Variants in ADGRV1 observed in about 807,000 individuals in gnomAD.
ADGRV1 encodes G-protein coupled receptor 98.
ADGRV1 carries 359 observed loss-of-function variants against 596.2 expected under a neutral mutation model. The ratio of observed to expected loss-of-function variants is 0.60; its 90% confidence interval spans 0.55 to 0.66. The LOEUF is 0.66. Among genes scored for constraint, ADGRV1 ranks in the 30% least tolerant of loss-of-function variants. ADGRV1 has a pLI of 0.00. For synonymous variants in ADGRV1, 2,681 were observed against 2,679.2 expected, an observed-to-expected ratio of 1.00 and a Z score of -0.02; for missense variants, 7,274 against 7,575.6, an observed-to-expected ratio of 0.96 and a Z score of 1.48.
intron 70 of ADGRV1, among the ~76,000 whole-genome samples, chr5:90,796,550 C>T (rs532928318): frequency 5.8e-4 from 88 of 152,308 alleles, no homozygotes; most frequent in African/African-American, 2.1e-3. Context: ...AAACATTCTT[C>T]AGGATATTAT....
At chr5:90,691,173 C>CA in intron 31 of ADGRV1, 132 bp downstream of exon 31, 3 of 1,173,296 alleles carry the variant, frequency 2.6e-6, no homozygotes, top group Non-Finnish European at 2.5e-6. Context: ...TCAAACTATG[C>CA]TAGTGTGAAA....
chr5:90,656,688 G>A (rs17621093), intron 20 of ADGRV1, among the ~76,000 whole-genome samples: 9,963 of 152,246 alleles, frequency 0.065, 384 homozygotes, highest in South Asian at 0.11. Context: ...AAGACATCTG[G>A]GTGGAGATTT....
chr5:91,124,740 T>C (rs1032315259), intron 87 of ADGRV1, among the ~76,000 whole-genome samples: 26 of 152,220 alleles, frequency 1.7e-4, no homozygotes, highest in African/African-American at 5.8e-4. Context: ...GTATTTTAGT[T>C]ACGGGGTCAG....
chr5:90,845,764 T>G (rs1765822779), intron 78 of ADGRV1, among the ~76,000 whole-genome samples: 1 of 152,222 alleles, frequency 6.6e-6, no homozygotes. Context: ...CTCTGCCTGC[T>G]CTTTTATATA....
At position 90,653,964 on chromosome 5, in the gene ADGRV1, C is replaced by T; in HGVS notation, c.4378+12C>T. On this transcript the variant is annotated intron_variant, in intron 20 of 89. Transcript: ENST00000405460. ...AGCCATTACTGACGGTGAGGGTCAT[C>T]ATCACAACTAGGACACTGAAATTTG... The T allele has an allele frequency of 1.3e-6, 2 of 1,552,626 alleles. No individual in the cohort carries two copies. The highest frequency in any genetic ancestry group is 1.2e-5 in the South Asian group (1 of 84,154).
At chr5:90,969,314 A>T (rs911126993) in intron 84 of ADGRV1, among the ~76,000 whole-genome samples, 3 of 152,324 alleles carry the variant, frequency 2.0e-5, no homozygotes, top group Admixed American at 2.0e-4. Context: ...AATTTCATAG[A>T]TTTGAAAACA....
At chr5:91,042,430 A>G (rs1785439937) in intron 85 of ADGRV1, among the ~76,000 whole-genome samples, 1 of 152,208 alleles carries the variant, frequency 6.6e-6, no homozygotes, top group African/African-American at 2.4e-5. Context: ...GGATGTTCAA[A>G]CAAATGTTAT....
At position 90,644,820 on chromosome 5, in the gene ADGRV1, G is replaced by A; in HGVS notation, c.2849G>A (p.Gly950Glu). The change falls in exon 15 of 90, where the codon GGA becomes GAA. Residue 950 changes from glycine (G) to glutamate (E), a missense_variant. This residue lies in a region of ADGRV1 where 1,715 missense variants were observed against 1,708.8 expected (regional missense o/e 1.00). Coordinates refer to ENST00000405460, the MANE Select transcript of ADGRV1 (RefSeq NM_032119.4). ...VFPVQGTVVF[G>E]DQEFSKNITI... The stretch of plus-strand genomic sequence containing the variant: ...CCTGTACAAGGGACTGTTGTCTTTG[G>A]AGATCAGGAATTTTCAAAAAATATC... 6.2e-7 allele frequency: 1 copy of A among 1,610,234 alleles called. No homozygotes were observed. Among genetic ancestry groups the A allele is most frequent in the South Asian group, 1.1e-5 (1 of 89,570 alleles).
chr5:90,819,700 T>C (rs200123212), intron 75 of ADGRV1, among the ~76,000 whole-genome samples: 14,170 of 151,694 alleles, frequency 0.093, 690 homozygotes, highest in East Asian at 0.17. Context: ...GAGCAGGTTG[T>C]TCAGTTTCCA....
At chr5:90,644,931 T>C (rs1470805753) in intron 15 of ADGRV1, 62 bp downstream of exon 15, 15 of 1,116,400 alleles carry the variant, frequency 1.3e-5, no homozygotes, top group Middle Eastern at 2.8e-4. Flanking sequence ...TATTTTTTAT[T>C]AAATAATTAA....
intron 83 of ADGRV1, among the ~76,000 whole-genome samples, chr5:90,873,071 A>C (rs961343923): frequency 6.6e-6 from 1 of 152,162 alleles, no homozygotes; most frequent in Non-Finnish European, 1.5e-5. Flanking sequence ...AGTGCCTTTT[A>C]TGTAGTTGCC....
chr5:90,721,205 T>TATGTGTTGAGGATGGGCGCTC (rs1750874525), intron 45 of ADGRV1, 146 bp downstream of exon 45: 2 of 726,384 alleles, frequency 2.8e-6, no homozygotes. Context: ...CATCTATAAA[T>TATGTGTTGAGGATGGGCGCTC]ATGTGTTGAG....
chr5:90,736,094 A>G (rs1347979365), intron 50 of ADGRV1, among the ~76,000 whole-genome samples: 1 of 152,120 alleles, frequency 6.6e-6, no homozygotes, highest in African/African-American at 2.4e-5. Context: ...ACCATTGAGT[A>G]TAATGTTGGT....
chr5:90,995,364 C>T (rs538778079), intron 85 of ADGRV1, among the ~76,000 whole-genome samples: 100 of 152,292 alleles, frequency 6.6e-4, no homozygotes, highest in African/African-American at 2.4e-3. Context: ...CTTCATTTTG[C>T]TCCCCAAACC....
intron 17 of ADGRV1, among the ~76,000 whole-genome samples, chr5:90,649,034 T>A (rs984953303): frequency 2.6e-5 from 4 of 152,196 alleles, no homozygotes; most frequent in Admixed American, 6.5e-5. Flanking sequence ...TTACGGAGTC[T>A]CACTCTGTCA....
At chr5:90,620,063 G>C (rs1463410308) in intron 4 of ADGRV1, among the ~76,000 whole-genome samples, 1 of 151,828 alleles carries the variant, frequency 6.6e-6, no homozygotes, top group East Asian at 1.9e-4. Flanking sequence ...ATAAAAATAC[G>C]TGTGCATGTG....
chr5:90,955,219 C>A (rs2150924342), intron 83 of ADGRV1, among the ~76,000 whole-genome samples: 1 of 152,270 alleles, frequency 6.6e-6, no homozygotes, highest in East Asian at 1.9e-4. Context: ...GCTACCCAGT[C>A]TCTGTAATAA....
At chr5:90,788,867 C>CACAG (rs1332053451) in intron 68 of ADGRV1, among the ~76,000 whole-genome samples, 2 of 135,764 alleles carry the variant, frequency 1.5e-5, no homozygotes, top group Admixed American at 7.0e-5. Flanking sequence ...GACACAGACA[C>CACAG]ACACACACAC....
chr5:90,794,093 T>A (rs2150145640), intron 70 of ADGRV1, among the ~76,000 whole-genome samples: 1 of 152,334 alleles, frequency 6.6e-6, no homozygotes, highest in East Asian at 1.9e-4. Flanking sequence ...AGAGTTTACA[T>A]CCTGTCCTCC....
Sources: gnomAD v4.1 joint callset for allele counts (sites outside exome capture counted in the v4.1 genomes callset) on GRCh38, gnomAD v4.1.1 for gene constraint, gnomAD v4.1.1 regional missense constraint, MANE v1.5 for transcripts, NCBI Gene and HGNC (gene_info 2026-07-23, HGNC 2026-07-21) for gene names.